RTL4: variants seen among roughly 807,000 people sequenced by gnomAD.
RTL4 encodes the protein retrotransposon Gag like 4, also known as retrotransposon Gag-like protein 4.
Under a neutral mutation model 5.3 loss-of-function variants are expected in RTL4, and 4 were observed. That is an observed-to-expected ratio of 0.75 (90% CI 0.37 to 1.72). RTL4 has a LOEUF of 1.72. Ranked by LOEUF, RTL4 falls within the 40% of genes most tolerant of loss-of-function variation. The pLI, the probability that RTL4 is intolerant of heterozygous loss-of-function variation, is 0.04. For missense variants in RTL4, 260 were observed against 227.1 expected (o/e 1.14, Z -0.93); for synonymous variants, 98 against 87.3 (o/e 1.12, Z -0.68).
chrX:112,208,106 G>A, the RTL4 span, among the ~76,000 whole-genome samples: 1 of 111,633 alleles, frequency 9.0e-6, no homozygotes, highest in Admixed American at 9.6e-5. Flanking sequence ...CAAAGCCAGG[G>A]GAAATTACCC....
the RTL4 span, among the ~76,000 whole-genome samples, chrX:112,402,434 GT>G: frequency 9.3e-6 from 1 of 107,551 alleles, no homozygotes; most frequent in Non-Finnish European, 1.9e-5. Flanking sequence ...GTGTGTGTGT[GT>G]GTGTGTGTGT....
chrX:112,325,950 A>G, the RTL4 span, among the ~76,000 whole-genome samples: 1 of 112,379 alleles, frequency 8.9e-6, no homozygotes, highest in Admixed American at 9.4e-5. Flanking sequence ...CAACACATTT[A>G]CAAGAAAAAA....
At chrX:112,177,053 G>GTT in the RTL4 span, among the ~76,000 whole-genome samples, 1 of 103,419 alleles carries the variant, frequency 9.7e-6, no homozygotes. Flanking sequence ...TATGGTGTTG[G>GTT]TTTTTTTTTT....
At chrX:112,203,368 T>C in the RTL4 span, among the ~76,000 whole-genome samples, 1 of 111,764 alleles carries the variant, frequency 8.9e-6, no homozygotes, top group South Asian at 3.8e-4. Context: ...TTTTTTATTC[T>C]TCAAAATTAC....
the RTL4 span, among the ~76,000 whole-genome samples, chrX:112,313,163 T>G: frequency 1.8e-5 from 2 of 111,736 alleles, no homozygotes; most frequent in Admixed American, 9.6e-5. Context: ...AAGGACATTT[T>G]TTTTTCTCTT....
chrX:112,330,272 G>C, the RTL4 span, among the ~76,000 whole-genome samples: 1 of 107,831 alleles, frequency 9.3e-6, no homozygotes, highest in Admixed American at 1.0e-4. Flanking sequence ...CATTGTCTCA[G>C]CCCAAAATCT....
chrX:112,257,781 C>T, the RTL4 span, among the ~76,000 whole-genome samples: 2 of 108,487 alleles, frequency 1.8e-5, no homozygotes, highest in East Asian at 5.8e-4. Context: ...CACAAACATT[C>T]AGAACATAGC....
the RTL4 span, among the ~76,000 whole-genome samples, chrX:112,273,829 G>A: frequency 1.8e-5 from 2 of 111,434 alleles, no homozygotes; most frequent in East Asian, 5.7e-4. Context: ...GGATAATAAT[G>A]ATAATTATGT....
At chrX:112,236,476 G>C in the RTL4 span, among the ~76,000 whole-genome samples, 1 of 75,273 alleles carries the variant, frequency 1.3e-5, no homozygotes, top group Middle Eastern at 6.8e-3. Context: ...TCTATATATA[G>C]ATATAGATCT....
chrX:112,407,179 G>A, the RTL4 span, among the ~76,000 whole-genome samples: 2,885 of 110,726 alleles, frequency 0.026, 38 homozygotes, highest in Admixed American at 0.037. Context: ...CCACAGGAGA[G>A]TAAAGCACCA....
chrX:112,407,074 C>A, the RTL4 span, among the ~76,000 whole-genome samples: 2 of 109,655 alleles, frequency 1.8e-5, no homozygotes, highest in Non-Finnish European at 3.8e-5. Context: ...TCTGCACATC[C>A]CCAGATATGA....
At chrX:112,222,774 T>A in the RTL4 span, among the ~76,000 whole-genome samples, 1 of 111,571 alleles carries the variant, frequency 9.0e-6, no homozygotes, top group East Asian at 2.8e-4. Context: ...TTCGTAAGGA[T>A]CCAGTCAAGG....
At chrX:112,246,026 G>A in the RTL4 span, among the ~76,000 whole-genome samples, 1 of 112,432 alleles carries the variant, frequency 8.9e-6, no homozygotes, top group Non-Finnish European at 1.9e-5. Flanking sequence ...ATCACCAGCG[G>A]AAGCTGCAGA....
At chrX:112,346,100 T>A in the RTL4 span, among the ~76,000 whole-genome samples, 1 of 111,893 alleles carries the variant, frequency 8.9e-6, no homozygotes, top group East Asian at 2.8e-4. Context: ...TATAAAAATA[T>A]TGACAAAGAT....
the RTL4 span, among the ~76,000 whole-genome samples, chrX:112,315,102 G>GA: frequency 9.0e-6 from 1 of 111,721 alleles, no homozygotes; most frequent in Non-Finnish European, 1.9e-5. Context: ...AGGAGAAGCA[G>GA]AAAAAAACCT....
the RTL4 span, among the ~76,000 whole-genome samples, chrX:112,431,611 T>A: frequency 8.9e-6 from 1 of 111,795 alleles, no homozygotes; most frequent in South Asian, 3.7e-4. Flanking sequence ...TCTCTCTAAT[T>A]TAGGGGGCAG....
the RTL4 span, among the ~76,000 whole-genome samples, chrX:112,131,293 CT>C: frequency 9.3e-6 from 1 of 107,642 alleles, no homozygotes; most frequent in African/African-American, 3.4e-5. Context: ...GATAAGGGAA[CT>C]TGTACTGTAT....
chrX:112,369,354 A>G, the RTL4 span, among the ~76,000 whole-genome samples: 2 of 111,364 alleles, frequency 1.8e-5, no homozygotes, highest in Non-Finnish European at 3.8e-5. Context: ...TATGTCTCTC[A>G]CCCTCAGGCT....
chrX:112,364,216 C>G, the RTL4 span, among the ~76,000 whole-genome samples: 1 of 111,381 alleles, frequency 9.0e-6, no homozygotes, highest in Non-Finnish European at 1.9e-5. Flanking sequence ...TGTGGATTCC[C>G]TAGCCCAAGA....
Sources: gnomAD v4.1 joint callset for allele counts (sites outside exome capture counted in the v4.1 genomes callset) on GRCh38, gnomAD v4.1.1 for gene constraint, MANE v1.5 for transcripts, NCBI Gene and HGNC (gene_info 2026-07-23, HGNC 2026-07-21) for gene names.